KCNMA1: variants seen among roughly 807,000 people sequenced by gnomAD.
KCNMA1 encodes the protein potassium calcium-activated channel subfamily M alpha 1, also known as Calcium-activated potassium channel subunit alpha-1.
Under a neutral mutation model 140.0 loss-of-function variants are expected in KCNMA1, and 29 were observed. The ratio of observed to expected loss-of-function variants is 0.21; its 90% CI spans 0.15 to 0.28. The LOEUF is 0.28. Among genes scored for constraint, KCNMA1 ranks in the 10% least tolerant of loss-of-function variants. The probability of loss-of-function intolerance (pLI) is 1.00; values close to 1 mark genes in which losing one functional copy is unlikely to be tolerated. For missense variants in KCNMA1, 880 were observed against 1,602.2 expected, an observed-to-expected ratio of 0.55 and a Z score of 7.70; for synonymous variants, 612 against 611.9, an observed-to-expected ratio of 1.00 and a Z score of 0.00.
chr10:77,623,869 T>G (rs1056202557), intron 1 of KCNMA1, among the ~76,000 whole-genome samples: 1 of 152,286 alleles, frequency 6.6e-6, no homozygotes, highest in South Asian at 2.1e-4. Context: ...CTCTGTGGAT[T>G]TGTGAAGTGT....
At chr10:77,577,333 C>T (rs1193137367) in intron 1 of KCNMA1, among the ~76,000 whole-genome samples, 2 of 152,108 alleles carry the variant, frequency 1.3e-5, no homozygotes, top group Non-Finnish European at 1.5e-5. Context: ...CAGGCGTGAG[C>T]CACCACGCCC....
chr10:77,313,566 T>C (rs776911986), intron 2 of KCNMA1, among the ~76,000 whole-genome samples: 8 of 152,210 alleles, frequency 5.3e-5, no homozygotes, highest in Non-Finnish European at 8.8e-5. Context: ...GTGTCATGCA[T>C]GGGACCTTCC....
chr10:77,414,186 C>A (rs988613339), intron 1 of KCNMA1, among the ~76,000 whole-genome samples: 32 of 152,226 alleles, frequency 2.1e-4, no homozygotes, highest in Admixed American at 1.8e-3. Flanking sequence ...TCTAAACTGT[C>A]TGACCCGGAG....
intron 1 of KCNMA1, among the ~76,000 whole-genome samples, chr10:77,593,480 T>C (rs1361416091): frequency 6.6e-6 from 1 of 152,216 alleles, no homozygotes; most frequent in Non-Finnish European, 1.5e-5. Context: ...AGTGATGAGA[T>C]CTATGGGCTC....
intron 17 of KCNMA1, among the ~76,000 whole-genome samples, chr10:77,016,026 T>C (rs1565556063): frequency 6.6e-6 from 1 of 152,186 alleles, no homozygotes. Flanking sequence ...TTCCATTTTA[T>C]AACAGATCCA....
At chr10:77,173,428 C>G (rs2098725666) in intron 5 of KCNMA1, among the ~76,000 whole-genome samples, 1 of 152,072 alleles carries the variant, frequency 6.6e-6, no homozygotes, top group African/African-American at 2.4e-5. Context: ...ATATGGGCCC[C>G]CAAATGACAC....
chr10:77,039,435 C>G, intron 15 of KCNMA1, 93 bp downstream of exon 15: 1 of 788,528 alleles, frequency 1.3e-6, no homozygotes, highest in Non-Finnish European at 2.3e-6. Context: ...GTCAAGTGCT[C>G]CAACTGTACC....
chr10:76,953,955 G>C (rs751973026), intron 20 of KCNMA1, 31 bp from the exon 21 acceptor site: 2 of 1,612,236 alleles, frequency 1.2e-6, no homozygotes, highest in Non-Finnish European at 8.5e-7. Context: ...AAACCTAAGT[G>C]GAAAATGTGA....
intron 23 of KCNMA1, among the ~76,000 whole-genome samples, chr10:76,919,295 A>C (rs2054317288): frequency 1.3e-5 from 2 of 152,320 alleles, no homozygotes; most frequent in South Asian, 4.1e-4. Flanking sequence ...CCTGTACCCC[A>C]ATACCCCAAT....
intron 1 of KCNMA1, among the ~76,000 whole-genome samples, chr10:77,427,877 C>T (rs1370337246): frequency 9.9e-5 from 15 of 151,900 alleles, no homozygotes; most frequent in African/African-American, 2.9e-4. Flanking sequence ...CTCAGCTTCC[C>T]GAGTAGCTGG....
chr10:77,315,512 G>C (rs1330601178), intron 2 of KCNMA1: 1 of 152,212 alleles, frequency 6.6e-6, no homozygotes, highest in African/African-American at 2.4e-5. Flanking sequence ...TTAGAATGGT[G>C]ATTTTTTTCC....
chr10:77,270,904 C>CA (rs1036610028), intron 2 of KCNMA1, among the ~76,000 whole-genome samples: 1 of 151,556 alleles, frequency 6.6e-6, no homozygotes, highest in South Asian at 2.1e-4. Context: ...AGCCACATTT[C>CA]AAAAAAAAGA....
chr10:76,941,186 AGGG>A (rs2152836849), intron 23 of KCNMA1, among the ~76,000 whole-genome samples: 1 of 80,392 alleles, frequency 1.2e-5, no homozygotes, highest in African/African-American at 5.5e-5. Flanking sequence ...GAAGGAAGGG[AGGG>A]AGGGAGGGAA....
At chr10:76,935,283 G>A (rs1256946363) in intron 23 of KCNMA1, among the ~76,000 whole-genome samples, 1 of 152,244 alleles carries the variant, frequency 6.6e-6, no homozygotes, top group African/African-American at 2.4e-5. Context: ...GGCACACCTT[G>A]AGCACTTTCA....
chr10:77,273,441 C>A (rs529581255), intron 2 of KCNMA1, among the ~76,000 whole-genome samples: 7 of 152,270 alleles, frequency 4.6e-5, no homozygotes, highest in African/African-American at 1.4e-4. Flanking sequence ...AGCTATTATA[C>A]TTGCAAGATG....
At chr10:77,263,467 A>G (rs764052135) in intron 2 of KCNMA1, among the ~76,000 whole-genome samples, 1 of 152,178 alleles carries the variant, frequency 6.6e-6, no homozygotes, top group Non-Finnish European at 1.5e-5. Flanking sequence ...ATAATGAAAC[A>G]CACAGAGGGC....
intron 17 of KCNMA1, among the ~76,000 whole-genome samples, chr10:77,015,244 G>C (rs1036100617): frequency 6.6e-6 from 1 of 152,048 alleles, no homozygotes; most frequent in African/African-American, 2.4e-5. Flanking sequence ...TAGGGTGAGG[G>C]GGGATGAGGT....
intron 20 of KCNMA1, among the ~76,000 whole-genome samples, chr10:76,961,009 G>GT (rs778958508): frequency 6.6e-6 from 1 of 151,910 alleles, no homozygotes; most frequent in Non-Finnish European, 1.5e-5. Context: ...CTACCATTCT[G>GT]TAGCCCATGG....
chr10:77,117,561 A>AAAAAAAAAAAAAAAAAAAAAAAAAAAG (rs1554837398), intron 6 of KCNMA1, among the ~76,000 whole-genome samples: 1 of 147,558 alleles, frequency 6.8e-6, no homozygotes, highest in African/African-American at 2.6e-5. Context: ...AAAAAAAAAA[A>AAAAAAAAAAAAAAAAAAAAAAAAAAAG]AAAAGAAAAG....
Sources: gnomAD v4.1 joint callset for allele counts (sites outside exome capture counted in the v4.1 genomes callset) on GRCh38, gnomAD v4.1.1 for gene constraint, MANE v1.5 for transcripts, NCBI Gene and HGNC (gene_info 2026-07-23, HGNC 2026-07-21) for gene names.